Variants in GRAMD4 observed in about 807,000 individuals in gnomAD.
GRAMD4 encodes GRAM domain containing 4.
In GRAMD4, 25 loss-of-function variants were observed where a neutral mutation model predicts 83.9. The observed-to-expected ratio is 0.30, with a 90% CI of 0.22 to 0.42. The LOEUF is 0.42. Among genes scored for constraint, GRAMD4 ranks in the 10% least tolerant of loss-of-function variants. The probability of loss-of-function intolerance (pLI) is 1.00; values close to 1 mark genes in which losing one functional copy is unlikely to be tolerated. For synonymous variants in GRAMD4, 336 were observed against 320.9 expected, an observed-to-expected ratio of 1.05 and a Z score of -0.50; for missense variants, 593 against 788.7, an observed-to-expected ratio of 0.75 and a Z score of 2.97.
At chr22:46,636,318 C>T (rs2081887327) in intron 2 of GRAMD4, among the ~76,000 whole-genome samples, 1 of 152,228 alleles carries the variant, frequency 6.6e-6, no homozygotes, top group South Asian at 2.1e-4. Flanking sequence ...CTGGGACAGA[C>T]CCCAAGCAGC....
At chr22:46,653,176 G>A (rs2082192624) in intron 3 of GRAMD4, among the ~76,000 whole-genome samples, 1 of 152,272 alleles carries the variant, frequency 6.6e-6, no homozygotes, top group Non-Finnish European at 1.5e-5. Flanking sequence ...AGCTGGGACA[G>A]GCTGATTTGC....
chr22:46,607,655 T>A (rs1394909384), intron 1 of GRAMD4, among the ~76,000 whole-genome samples: 2 of 152,186 alleles, frequency 1.3e-5, no homozygotes, highest in African/African-American at 4.8e-5. Context: ...CACCGCCCTC[T>A]CTCCTCTGCC....
At chr22:46,660,668 T>C (rs1315619825) in intron 4 of GRAMD4, among the ~76,000 whole-genome samples, 1 of 152,200 alleles carries the variant, frequency 6.6e-6, no homozygotes, top group Non-Finnish European at 1.5e-5. Flanking sequence ...CAAAGTCCCC[T>C]GAAAACCTCA....
At chr22:46,588,956 T>G (rs5768995) in intron 1 of GRAMD4, among the ~76,000 whole-genome samples, 74,629 of 151,990 alleles carry the variant, frequency 0.49, 20,378 homozygotes, top group African/African-American at 0.75. Context: ...CAGAGTTCTC[T>G]TAAACATTTG....
At chr22:46,609,601 CTGCCAGTTCTTTGG>C (rs1294594891) in intron 1 of GRAMD4, among the ~76,000 whole-genome samples, 1 of 152,238 alleles carries the variant, frequency 6.6e-6, no homozygotes, top group East Asian at 1.9e-4. Flanking sequence ...CATTCATTTG[CTGCCAGTTCTTTGG>C]TGCCAGGCCG....
At chr22:46,607,894 G>A (rs889890812) in intron 1 of GRAMD4, among the ~76,000 whole-genome samples, 8 of 152,080 alleles carry the variant, frequency 5.3e-5, no homozygotes, top group African/African-American at 9.7e-5. Context: ...CTCAGCCTGC[G>A]GTGCCGCGAC....
chr22:46,585,375 A>G (rs2081139453), intron 1 of GRAMD4, among the ~76,000 whole-genome samples: 4 of 152,122 alleles, frequency 2.6e-5, no homozygotes, highest in Admixed American at 2.0e-4. Context: ...TTTTTAGTAG[A>G]GTCGGAGTTT....
intron 5 of GRAMD4, among the ~76,000 whole-genome samples, chr22:46,662,562 C>G (rs2082344325): frequency 6.6e-6 from 1 of 152,248 alleles, no homozygotes; most frequent in Non-Finnish European, 1.5e-5. Context: ...ACCCCCAGCC[C>G]AGGACACAGC....
At chr22:46,624,125 C>A (rs2081618276) in intron 1 of GRAMD4, among the ~76,000 whole-genome samples, 2 of 151,922 alleles carry the variant, frequency 1.3e-5, no homozygotes, top group Admixed American at 1.3e-4. Context: ...CTTCATGTAT[C>A]ATATTTGTTA....
intron 5 of GRAMD4, among the ~76,000 whole-genome samples, chr22:46,661,965 A>C (rs1455906432): frequency 6.6e-6 from 1 of 152,176 alleles, no homozygotes; most frequent in Non-Finnish European, 1.5e-5. Flanking sequence ...AGTTCCCTGT[A>C]CCTGGGGGTC....
rs1166640769 is a variant in GRAMD4 at position 46,677,243 on chromosome 22, G to T, written c.1729G>T (p.Asp577Tyr). 6.2e-7 allele frequency: 1 copy of T among 1,611,986 alleles called. No individual in the cohort carries two copies. The highest frequency in any genetic ancestry group is 8.5e-7 in the Non-Finnish European group (1 of 1,179,414). Residue 577 changes from aspartate (D) to tyrosine (Y), a missense_variant, in exon 19 of 19, where the codon GAC becomes TAC. Asp to Tyr is a radical substitution (Grantham distance 160). Coordinates refer to ENST00000406902, the MANE Select transcript of GRAMD4 (RefSeq NM_015124.5). The stretch of plus-strand genomic sequence containing the variant: ...CACCTCAGCGGCAGCGTCTGGCGGG[G>T]ACAGCTAGTATTGACTTGCCCAGGA... ...KITSAAASGG[D>Y]S
intron 1 of GRAMD4, among the ~76,000 whole-genome samples, chr22:46,595,714 C>T (rs933041645): frequency 1.3e-5 from 2 of 152,232 alleles, no homozygotes; most frequent in African/African-American, 2.4e-5. Flanking sequence ...CCCCTGCGGC[C>T]GGTCAGGGGG....
intron 4 of GRAMD4, among the ~76,000 whole-genome samples, chr22:46,660,913 C>T (rs2082317059): frequency 6.6e-6 from 1 of 152,194 alleles, no homozygotes; most frequent in African/African-American, 2.4e-5. Context: ...ACCCTAGTGG[C>T]CGTCTAGTGC....
rs572319757 is a variant in GRAMD4, at chr22:46,612,724, C to G, written c.-49-14027C>G. Among the ~76,000 whole-genome samples, 16 of 152,348 alleles carry G rather than the reference C, an allele frequency of 1.1e-4. No homozygotes were observed. The East Asian group carries it at 1.7e-3, about 17-fold the overall frequency. ...TGGTGCAAGGAACCTTACTCTCAAC[C>G]CTTTAGGGCTGGATCACGGATGGGA... On this transcript the variant is annotated intron_variant, in intron 1 of 1. Transcript: ENST00000431155.
At chr22:46,649,727 A>G (rs1443461228) in intron 3 of GRAMD4, among the ~76,000 whole-genome samples, 1 of 152,250 alleles carries the variant, frequency 6.6e-6, no homozygotes, top group East Asian at 1.9e-4. Context: ...ATCTCTGCAC[A>G]TAGCGGTAAA....
At chr22:46,644,897 CTTTTTTTTTTTTT>C (rs35677843) in intron 3 of GRAMD4, among the ~76,000 whole-genome samples, 4 of 41,014 alleles carry the variant, frequency 9.8e-5, no homozygotes, top group East Asian at 9.8e-4. Context: ...TGCACATGGC[CTTTTTTTTTTTTT>C]TTTTTTTTTT....
At chr22:46,584,611 G>T (rs112310602) in intron 1 of GRAMD4, among the ~76,000 whole-genome samples, 3 of 152,138 alleles carry the variant, frequency 2.0e-5, no homozygotes, top group Non-Finnish European at 4.4e-5. Flanking sequence ...GGGACCCCCC[G>T]GGAAGCAGTT....
At position 46,672,876 on chromosome 22, in the gene GRAMD4, A is replaced by G; in HGVS notation, c.1118A>G (p.Asp373Gly). The change falls in exon 14 of 19, where the codon GAT becomes GGT. Residue 373 changes from aspartate to glycine, a missense_variant. Physicochemically the swap from Asp to Gly is moderately conservative, Grantham distance 94. Transcript: ENST00000406902. This position sits in a 1 kb window ranked among gnomAD's most constrained non-coding sequence, Gnocchi z 4.7. Reference sequence around the variant, plus strand: ...GCTGGTATCAAGTTCTTCCTCATTGATTTCATCTTTAAACGCTGCCCGAGG... The same window carrying G: ...GCTGGTATCAAGTTCTTCCTCATTGGTTTCATCTTTAAACGCTGCCCGAGG... ...LYAGIKFFLI[D>G]FIFKRCPRLR... The G allele has an allele frequency of 6.2e-7, 1 of 1,612,864 alleles. No individual in the cohort carries two copies. The highest frequency in any genetic ancestry group is 1.1e-5 in the South Asian group (1 of 91,076).
At chr22:46,677,045 C>T in intron 18 of GRAMD4, 102 bp from the exon 19 acceptor site, 1 of 1,370,284 alleles carries the variant, frequency 7.3e-7, no homozygotes, top group African/African-American at 1.4e-5. Context: ...ACCCACGTGA[C>T]TAGCGTGCTG....
Sources: gnomAD v4.1 joint callset for allele counts (sites outside exome capture counted in the v4.1 genomes callset) on GRCh38, gnomAD v4.1.1 for gene constraint, Gnocchi (gnomAD v3.1) non-coding constraint, MANE v1.5 for transcripts, NCBI Gene and HGNC (gene_info 2026-07-23, HGNC 2026-07-21) for gene names.